TMC3: variants seen among roughly 807,000 people sequenced by gnomAD.
The protein encoded by TMC3 is transmembrane channel like 3.
TMC3 carries 98 observed loss-of-function variants against 110.6 expected under a neutral mutation model. The ratio of observed to expected loss-of-function variants is 0.89; its 90% CI spans 0.75 to 1.05. The LOEUF is 1.05. Ranked by LOEUF, TMC3 falls within the 50% of genes least tolerant of loss-of-function variation. The probability of loss-of-function intolerance (pLI) is 0.00; values close to 1 mark genes in which losing one functional copy is unlikely to be tolerated. For missense variants in TMC3, 1,319 were observed against 1,373.2 expected (o/e 0.96, Z 0.62); for synonymous variants, 489 against 513.1 (o/e 0.95, Z 0.63).
chr15:81,340,308 G>A (rs533092058), intron 16 of TMC3, among the ~76,000 whole-genome samples: 1 of 152,230 alleles, frequency 6.6e-6, no homozygotes, highest in South Asian at 2.1e-4. Flanking sequence ...GAATGTAGTA[G>A]GAGAGTGATA....
In TMC3 at chr15:81,359,444, TAGG is replaced by T; in HGVS notation, c.419_421del (p.Ser140del). The T allele has an allele frequency of 6.2e-7, 1 of 1,601,650 alleles. No homozygotes were observed. The highest frequency in any genetic ancestry group is 8.5e-7 in the Non-Finnish European group (1 of 1,175,118). On this transcript the variant is annotated inframe_deletion, in exon 5 of 22. Transcript: ENST00000359440. ...AAATAACCATCTCAAGAATATGAAA[TAGG>T]AGGCAACGCCAGATCCAAAATGACC...
At chr15:81,343,855 A>C in intron 14 of TMC3, 62 bp downstream of exon 14, 1 of 1,575,850 alleles carries the variant, frequency 6.3e-7, no homozygotes. Flanking sequence ...TCCCAGCCAC[A>C]ACATGAGAAA....
intron 8 of TMC3, 84 bp from the exon 9 acceptor site, chr15:81,355,852 G>A: frequency 1.2e-6 from 1 of 865,990 alleles, no homozygotes; most frequent in African/African-American, 1.7e-5. Context: ...CAGTAATTTA[G>A]CTCATACCTT....
chr15:81,358,012 TATC>T, intron 7 of TMC3, 134 bp downstream of exon 7: 1 of 1,110,384 alleles, frequency 9.0e-7, no homozygotes, highest in Non-Finnish European at 1.2e-6. Context: ...ACATTACACA[TATC>T]ATAACACTTG....
Position 81,337,881 on chromosome 15 carries a change from G to A in TMC3, c.2125C>T (p.Leu709Phe), listed in dbSNP as rs1214529428. Residue 709 changes from leucine (L) to phenylalanine (F), a missense_variant, in exon 19 of 22, where the codon CTC (leucine) becomes TTC (phenylalanine). Leu to Phe is a conservative substitution (Grantham distance 22). Coordinates refer to ENST00000359440, the MANE Select transcript of TMC3 (RefSeq NM_001080532.3). The part of the protein sequence containing the change: ...YLQSIARSLK[L>F]SNHQLKMQIQ... ...TGCATTTTGAGCTGGTGGTTGCTGA[G>A]CTTTAGAGACCGTGCGATGCTCTGG... 1 of 1,613,908 alleles carries A rather than the reference G, an allele frequency of 6.2e-7. No individual in the cohort carries two copies. The highest frequency in any genetic ancestry group is 8.5e-7 in the Non-Finnish European group (1 of 1,179,888).
At chr15:81,337,563 G>T in intron 19 of TMC3, 1 of 526,532 alleles carries the variant, frequency 1.9e-6, no homozygotes, top group Non-Finnish European at 3.4e-6. Flanking sequence ...CTGAGGGCTT[G>T]GTGTGGTCAC....
At chr15:81,361,523 CTTT>C (rs1207073884) in intron 4 of TMC3, among the ~76,000 whole-genome samples, 4 of 152,012 alleles carry the variant, frequency 2.6e-5, no homozygotes, top group African/African-American at 9.7e-5. Flanking sequence ...TTGCATTCTT[CTTT>C]ATAATTTTTT....
At chr15:81,340,062 A>G (rs1424153520) in intron 16 of TMC3, among the ~76,000 whole-genome samples, 2 of 152,216 alleles carry the variant, frequency 1.3e-5, no homozygotes, top group Non-Finnish European at 2.9e-5. Flanking sequence ...GCCCTAAGCT[A>G]GTGTCAGGGA....
intron 21 of TMC3, 72 bp from the exon 22 acceptor site, chr15:81,333,334 T>C (rs1893517919): frequency 6.5e-7 from 1 of 1,531,326 alleles, no homozygotes; most frequent in East Asian, 2.3e-5. Flanking sequence ...GACTGTGAGC[T>C]GTGAGCAGTT....
chr15:81,348,841 C>T (rs1170621090), intron 11 of TMC3, among the ~76,000 whole-genome samples: 2 of 152,142 alleles, frequency 1.3e-5, no homozygotes, highest in Non-Finnish European at 2.9e-5. Context: ...GATGGAGTTT[C>T]GCTTTTGTTG....
chr15:81,345,318 A>T (rs1161170828), intron 12 of TMC3, among the ~76,000 whole-genome samples: 2 of 152,210 alleles, frequency 1.3e-5, no homozygotes, highest in Non-Finnish European at 2.9e-5. Flanking sequence ...TCATGTTCAG[A>T]TGAGGAGATT....
chr15:81,351,294 T>TAACTTACATAAGG (rs1403657683), intron 10 of TMC3, among the ~76,000 whole-genome samples: 1 of 150,946 alleles, frequency 6.6e-6, no homozygotes, highest in Non-Finnish European at 1.5e-5. Context: ...TATTCCCACC[T>TAACTTACATAAGG]AACTTACATA....
At chr15:81,356,689 G>GC in intron 7 of TMC3, 95 bp from the exon 8 acceptor site, 1 of 1,377,676 alleles carries the variant, frequency 7.3e-7, no homozygotes, top group Non-Finnish European at 9.8e-7. Context: ...AGCATAGGCT[G>GC]CACCCCTCTG....
At position 81,358,195 on chromosome 15, in the gene TMC3, C is replaced by G. The variant is rs779842685; in HGVS notation, c.697G>C (p.Val233Leu). The G allele has an allele frequency of 6.2e-7, 1 of 1,612,524 alleles. No homozygotes were observed. Among genetic ancestry groups the G allele is most frequent in the Non-Finnish European group, 8.5e-7 (1 of 1,179,428 alleles). ...GYRLPLAYFLVGMAVFAYSFI... is the reference protein window; with the variant it reads ...GYRLPLAYFLLGMAVFAYSFI... ...CTGTAAGCAAACACTGCCATCCCCACTAGGAAATACGCCAAGGGCAGCCGG... is the reference window on the plus strand; with the variant it reads ...CTGTAAGCAAACACTGCCATCCCCAGTAGGAAATACGCCAAGGGCAGCCGG... The change falls in exon 7 of 22, where the codon GTG becomes CTG. Residue 233 changes from valine (V) to leucine (L), a missense_variant. Val to Leu is a conservative substitution (Grantham distance 32). Transcript: ENST00000359440.
rs746059195 is a variant in TMC3, at chr15:81,332,946, G to A, written c.2776C>T (p.Arg926Ter). 1.2e-6 allele frequency: 2 copies of A among 1,612,184 alleles called. No individual in the cohort carries two copies. The highest frequency in any genetic ancestry group is 1.1e-5 in the South Asian group (1 of 90,946). ...CGGGGGACCCGGGATGCATATTGTCGCACGTTCCTGGGGTACAGCTCCACA... is the reference window on the plus strand; with the variant it reads ...CGGGGGACCCGGGATGCATATTGTCACACGTTCCTGGGGTACAGCTCCACA... Reference protein sequence around the residue: ...DIVELYPRNVRQYASRVPRQP... With the variant: ...DIVELYPRNV The change falls in exon 22 of 22, where the codon CGA (arginine) becomes TGA (stop). Residue 926 changes from arginine to a stop codon, truncating the protein, a stop_gained. Transcript: ENST00000359440. LOFTEE classifies it low-confidence loss of function (END_TRUNC).
At chr15:81,373,003 T>C (rs978762991) in intron 1 of TMC3, among the ~76,000 whole-genome samples, 18 of 152,136 alleles carry the variant, frequency 1.2e-4, no homozygotes, top group Non-Finnish European at 4.4e-5. Flanking sequence ...AAGATAATGA[T>C]TTCTCAGGGT....
intron 19 of TMC3, chr15:81,337,574 A>G: frequency 1.8e-6 from 1 of 540,718 alleles, no homozygotes; most frequent in Non-Finnish European, 3.3e-6. Context: ...GTGTGGTCAC[A>G]GGGTGGGCAC....
chr15:81,373,739 G>A (rs371979775), intron 1 of TMC3, among the ~76,000 whole-genome samples: 10 of 152,180 alleles, frequency 6.6e-5, no homozygotes, highest in African/African-American at 2.4e-4. Flanking sequence ...CAGCCATAAA[G>A]CCAGGTTGGG....
Position 81,356,566 on chromosome 15 carries a change from C to A in TMC3, c.772G>T (p.Ala258Ser), listed in dbSNP as rs752187092. The A allele has an allele frequency of 3.1e-6, 5 of 1,587,828 alleles. No homozygotes were observed. The highest frequency in any genetic ancestry group is 3.4e-6 in the Non-Finnish European group (4 of 1,167,112). The change falls in exon 8 of 22, where the codon GCC becomes TCC. Residue 258 changes from alanine (A) to serine (S), a missense_variant. Physicochemically the swap from Ala to Ser is moderately conservative, Grantham distance 99. Transcript: ENST00000359440. ...KMAKNSRTSL[A>S]SASNENYTFC... Reference sequence around the variant, plus strand: ...GTATAGTTTTCATTGGAAGCACTGGCAAGACTCGTGCGGGAGTTCTTAGCC... The same window carrying A: ...GTATAGTTTTCATTGGAAGCACTGGAAAGACTCGTGCGGGAGTTCTTAGCC...
Sources: allele counts gnomAD v4.1 joint callset (sites outside exome capture counted in the v4.1 genomes callset), GRCh38; gene constraint gnomAD v4.1.1; transcripts MANE v1.5; gene names NCBI Gene and HGNC (gene_info 2026-07-23, HGNC 2026-07-21).